The following FAM193B variants were observed in gnomAD, a reference collection of about 807,000 sequenced individuals.
The protein encoded by FAM193B is protein FAM193B.
In FAM193B, 27 loss-of-function variants were observed where a neutral mutation model predicts 70.7. That is an observed-to-expected ratio of 0.38 (90% CI 0.28 to 0.53). The LOEUF (loss-of-function observed/expected upper bound fraction) is 0.53, where lower values mean the gene tolerates loss of function less well. Among genes scored for constraint, FAM193B ranks in the 20% least tolerant of loss-of-function variants. The probability of loss-of-function intolerance (pLI) is 0.81; values close to 1 mark genes in which losing one functional copy is unlikely to be tolerated. For synonymous variants in FAM193B, 448 were observed against 436.0 expected (o/e 1.03, Z -0.34); for missense variants, 1,022 against 1,072.5 (o/e 0.95, Z 0.66).
chr5:177,547,282 A>AATTCTTT (rs1765550278), intron 1 of FAM193B: 1 of 24,688 alleles, frequency 4.1e-5, no homozygotes, highest in Non-Finnish European at 8.4e-5. Flanking sequence ...AACCAAATTT[A>AATTCTTT]TTTCTTTTTT....
At chr5:177,526,386 C>T (rs1232085739) in intron 5 of FAM193B, among the ~76,000 whole-genome samples, 4 of 152,242 alleles carry the variant, frequency 2.6e-5, no homozygotes. Flanking sequence ...TCGTGGCCCT[C>T]AGGGAGCAGC....
Position 177,524,755 on chromosome 5 carries a change from C to T in FAM193B, c.1726G>A (p.Gly576Ser), listed in dbSNP as rs767944740. Reference protein sequence around the residue: ...PWTEVRGPPPGIVPENGLVRR... With the variant: ...PWTEVRGPPPSIVPENGLVRR... The stretch of plus-strand genomic sequence containing the variant: ...ACGAGCCCGTTCTCGGGGACGATAC[C>T]GGGAGGGGGCCCCCTCACCTCTGTC... Residue 576 changes from glycine (G) to serine (S), a missense_variant, in exon 6 of 9, where the codon GGT becomes AGT. By Grantham distance (56) the Gly-to-Ser change is moderately conservative. Coordinates refer to ENST00000514747, the MANE Select transcript of FAM193B (RefSeq NM_001190946.3). The T allele has an allele frequency of 8.7e-5, 133 of 1,530,514 alleles. No homozygotes were observed. Among genetic ancestry groups the T allele is most frequent in the Non-Finnish European group, 1.1e-4 (122 of 1,140,198 alleles). The allele number at this position is 1,530,514 out of a possible 1,614,324, so 94.8% of individuals were successfully genotyped here. A position where few individuals can be genotyped will look rare whatever the true frequency, so the allele number is the denominator to read the frequency against.
At position 177,524,624 on chromosome 5, in the gene FAM193B, A is replaced by C. The variant is rs752821580; in HGVS notation, c.1857T>G (p.Ser619Arg). The C allele has an allele frequency of 6.2e-7, 1 of 1,612,690 alleles. No individual in the cohort carries two copies. The highest frequency in any genetic ancestry group is 1.1e-5 in the South Asian group (1 of 90,954). Reference sequence around the variant, plus strand: ...CAGGCTCAGGCAGCTCCTGCTTGCAACTGGGAACTTCCTTTGAGCTTGGCT... The same window carrying C: ...CAGGCTCAGGCAGCTCCTGCTTGCACCTGGGAACTTCCTTTGAGCTTGGCT... ...SEEPSSKEVP[S>R]CKQELPEPVS... The change falls in exon 6 of 9, where the codon AGT becomes AGG. Residue 619 changes from serine (S) to arginine (R), a missense_variant. Transcript: ENST00000514747.
chr5:177,554,302 C>T lies in FAM193B; in HGVS notation c.157G>A (p.Asp53Asn), dbSNP rs1035032301. ...TCATCCTCCCTGGGGCCGTCGTGGT[C>T]GGGCTCCGCCGGCGCCTCCGGAGGG... ...AGPPEAPAEP[D>N]HDGPREDDEP... Residue 53 changes from aspartate to asparagine, a missense_variant, in exon 1 of 9, where the codon GAC becomes AAC. Coordinates refer to ENST00000514747, the MANE Select transcript of FAM193B (RefSeq NM_001190946.3). 4 of 1,358,128 alleles carry T rather than the reference C, an allele frequency of 2.9e-6. No homozygotes were observed. In the African/African-American group the frequency reaches 4.5e-5, roughly 15 times the overall value. 84.1% of individuals were successfully genotyped at this position (1,358,128 alleles called of 1,614,324 possible).
chr5:177,554,019 G>C, intron 1 of FAM193B: 2 of 1,319,146 alleles, frequency 1.5e-6, no homozygotes, highest in Non-Finnish European at 1.9e-6. Context: ...GGCGGGGAGA[G>C]GGGAGCAGCT....
chr5:177,554,503 G>GCCGCCGCCA lies in FAM193B; in HGVS notation c.-46_-45insTGGCGGCGG, dbSNP rs1442513995. ...CCTCGCTCCACACGCCGCCGCCGCC[G>GCCGCCGCCA]CCGCCGCCGCCGCCGCCGCCGCCGC... is the stretch of plus-strand genomic sequence containing the variant. On this transcript the variant is annotated 5_prime_UTR_variant, in exon 1 of 9. Transcript: ENST00000514747. The GCCGCCGCCA allele has an allele frequency of 1.2e-6, 1 of 816,932 alleles. No homozygotes were observed. The highest frequency in any genetic ancestry group is 1.5e-6 in the Non-Finnish European group (1 of 676,924). The allele number at this position is 816,932 out of a possible 1,614,324, so 50.6% of individuals were successfully genotyped here.
chr5:177,536,480 C>T lies in FAM193B; in HGVS notation c.954G>A (p.Pro318=), dbSNP rs772500635. The change falls in exon 4 of 9, where the codon CCG becomes CCA. Residue 318 remains proline (P), a synonymous_variant. Transcript: ENST00000514747. The part of the protein sequence containing the change: ...QSSHLPSTSM[P]LLKMPPPFSG... ...AGAATGGTGGGGGCATCTTCAGGAG[C>T]GGCATGCTGGTGGAGGGTAGATGGG... 22 of 1,578,168 alleles carry T rather than the reference C, an allele frequency of 1.4e-5. No homozygotes were observed. The highest frequency in any genetic ancestry group is 2.3e-5 in the East Asian group (1 of 43,474).
intron 5 of FAM193B, among the ~76,000 whole-genome samples, chr5:177,528,771 G>A (rs1763010418): frequency 6.6e-6 from 1 of 152,228 alleles, no homozygotes; most frequent in African/African-American, 2.4e-5. Context: ...GACGTGCTAA[G>A]GTACAGGAAG....
In FAM193B at chr5:177,524,812, A is replaced by T; in HGVS notation, c.1669T>A (p.Trp557Arg). Reference sequence around the variant, plus strand: ...GGGTGGGGGCCTCTCATTTCTGCCCATGGTGGGGCTGGCTCGCCTGGAGCT... The same window carrying T: ...GGGTGGGGGCCTCTCATTTCTGCCCTTGGTGGGGCTGGCTCGCCTGGAGCT... ...LQAPGEPAPPWAEMRGPHPPW... is the reference protein window; with the variant it reads ...LQAPGEPAPPRAEMRGPHPPW... Residue 557 changes from tryptophan to arginine, a missense_variant, in exon 6 of 9, where the codon TGG becomes AGG. Physicochemically the swap from Trp to Arg is moderately radical, Grantham distance 101. Transcript: ENST00000514747. 6.6e-7 allele frequency: 1 copy of T among 1,510,968 alleles called. No homozygotes were observed. Among genetic ancestry groups the T allele is most frequent in the South Asian group, 1.3e-5 (1 of 74,182 alleles). The allele number at this position is 1,510,968 out of a possible 1,614,324, so 93.6% of individuals were successfully genotyped here.
chr5:177,554,147 A>G, intron 1 of FAM193B, 102 bp downstream of exon 1: 1 of 1,441,526 alleles, frequency 6.9e-7, no homozygotes, highest in Non-Finnish European at 9.1e-7. Flanking sequence ...CTGCTACCCC[A>G]GCCGCGGCAG....
intron 6 of FAM193B, 62 bp from the exon 7 acceptor site, chr5:177,524,094 G>T: frequency 6.2e-7 from 1 of 1,612,908 alleles, no homozygotes; most frequent in Non-Finnish European, 8.5e-7. Context: ...TTATGCTCTG[G>T]GGGCAGCGCT....
chr5:177,533,148 C>T (rs1680069283), intron 4 of FAM193B, among the ~76,000 whole-genome samples: 1 of 152,162 alleles, frequency 6.6e-6, no homozygotes, highest in African/African-American at 2.4e-5. Flanking sequence ...TGAGGCCAGT[C>T]TCCTTTCACT....
At chr5:177,523,880 G>A in intron 7 of FAM193B, 77 bp downstream of exon 7, 3 of 1,537,190 alleles carry the variant, frequency 2.0e-6, no homozygotes, top group Non-Finnish European at 2.7e-6. Context: ...TCTGAGGCTT[G>A]AGGCACAACA....
Position 177,539,157 on chromosome 5 carries a change from A to C in FAM193B, c.211-10T>G, listed in dbSNP as rs1451485157. On this transcript the variant is annotated splice_polypyrimidine_tract_variant and intron_variant, in intron 1 of 8. Transcript: ENST00000514747. ...TGGAGGCGGGGGGGACCTGTCCAACAGACAGAAACAGGGTTTCCCAGGAGG... is the reference window on the plus strand; with the variant it reads ...TGGAGGCGGGGGGGACCTGTCCAACCGACAGAAACAGGGTTTCCCAGGAGG... 6.5e-7 allele frequency: 1 copy of C among 1,544,158 alleles called. No homozygotes were observed. The highest frequency in any genetic ancestry group is 2.0e-5 in the Admixed American group (1 of 51,246).
Position 177,536,419 on chromosome 5 carries a change from C to T in FAM193B, c.1015G>A (p.Gly339Arg). The change falls in exon 4 of 9, where the codon GGG becomes AGG. Residue 339 changes from glycine to arginine, a missense_variant. Coordinates refer to ENST00000514747, the MANE Select transcript of FAM193B (RefSeq NM_001190946.3). ...CSHPCSGHCGGHCSGPLLPPP... is the reference protein window; with the variant it reads ...CSHPCSGHCGRHCSGPLLPPP... ...GGGAGGAGAGGCCCACTGCAGTGCC[C>T]ACCACAGTGCCCGCTGCAGGGGTGG... The T allele has an allele frequency of 1.9e-6, 3 of 1,604,694 alleles. No individual in the cohort carries two copies. Among genetic ancestry groups the T allele is most frequent in the Non-Finnish European group, 2.5e-6 (3 of 1,177,276 alleles).
chr5:177,534,808 G>C (rs1244840941), intron 4 of FAM193B, among the ~76,000 whole-genome samples: 1 of 152,168 alleles, frequency 6.6e-6, no homozygotes, highest in Non-Finnish European at 1.5e-5. Flanking sequence ...TGTAGAGACA[G>C]AGTCTCATTA....
intron 6 of FAM193B, 47 bp from the exon 7 acceptor site, chr5:177,524,079 T>C (rs892357725): frequency 6.2e-7 from 1 of 1,613,478 alleles, no homozygotes; most frequent in African/African-American, 1.3e-5. Context: ...GCCAGGCCTT[T>C]GGGGTTATGC....
rs760550752 is a variant in FAM193B, at chr5:177,531,307, C to T, written c.1275+1136G>A. The T allele has an allele frequency of 8.9e-6, 12 of 1,344,016 alleles. No individual in the cohort carries two copies. The South Asian group carries it at 9.3e-5, about 10-fold the overall frequency. 83.3% of individuals were successfully genotyped at this position (1,344,016 alleles called of 1,614,324 possible). ...CTTCTTTTTCAGCTTGTGCCGGGCCCGCTTGGCGGCCCTGGCGCTGTTGGG... is the reference window on the plus strand; with the variant it reads ...CTTCTTTTTCAGCTTGTGCCGGGCCTGCTTGGCGGCCCTGGCGCTGTTGGG... On this transcript the variant is annotated intron_variant, in intron 5 of 8. Coordinates refer to ENST00000514747, the MANE Select transcript of FAM193B (RefSeq NM_001190946.3).
chr5:177,552,091 T>G (rs1027915612), intron 1 of FAM193B: 1 of 985,030 alleles, frequency 1.0e-6, no homozygotes, highest in African/African-American at 1.7e-5. Flanking sequence ...TTGGAGTCAT[T>G]TGGGCAAATG....
Sources: allele counts gnomAD v4.1 joint callset (sites outside exome capture counted in the v4.1 genomes callset), GRCh38; gene constraint gnomAD v4.1.1; transcripts MANE v1.5; gene names NCBI Gene and HGNC (gene_info 2026-07-23, HGNC 2026-07-21).